The following CTBP2 variants were observed in gnomAD, a reference collection of about 807,000 sequenced individuals.
The protein encoded by CTBP2 is C-terminal-binding protein 2.
In CTBP2, 30 loss-of-function variants were observed where a neutral mutation model predicts 80.3. The ratio of observed to expected loss-of-function variants is 0.37; its 90% confidence interval spans 0.28 to 0.51. The LOEUF is 0.51. CTBP2 is among the 20% of genes least tolerant of loss of function. The pLI is 0.93. For synonymous variants in CTBP2, 594 were observed against 587.4 expected, an observed-to-expected ratio of 1.01 and a Z score of -0.16; for missense variants, 1,212 against 1,375.3, an observed-to-expected ratio of 0.88 and a Z score of 1.88.
intron 1 of CTBP2, among the ~76,000 whole-genome samples, chr10:125,151,637 A>G (rs1284356251): frequency 6.6e-6 from 1 of 152,066 alleles, no homozygotes; most frequent in Non-Finnish European, 1.5e-5. Context: ...AGGAGTCCCC[A>G]TGAGTGCCCG....
chr10:124,994,402 C>A, intron 5 of CTBP2, 67 bp downstream of exon 7: 1 of 1,515,112 alleles, frequency 6.6e-7, no homozygotes, highest in Non-Finnish European at 9.1e-7. Flanking sequence ...CCGTGTCCCT[C>A]TTGTGCCCAC....
chr10:124,984,951 C>G lies in CTBP2; in HGVS notation c.*4567G>C. 2 of 1,613,682 alleles carry G rather than the reference C, an allele frequency of 1.2e-6. No homozygotes were observed. The highest frequency in any genetic ancestry group is 1.7e-6 in the Non-Finnish European group (2 of 1,179,938). ...CCGACAGATCCGGCCGTGTACATCC[C>G]TGTCTGATGGAGAGGAAGATGAGGA... On this transcript the variant is annotated 3_prime_UTR_variant, in exon 9 of 9. Transcript: ENST00000309035.
chr10:125,065,352 A>G (rs1194668382), intron 2 of CTBP2, among the ~76,000 whole-genome samples: 1 of 152,132 alleles, frequency 6.6e-6, no homozygotes, highest in Admixed American at 6.5e-5. Context: ...GCTTTTCTCA[A>G]TGTGCACTTT....
intron 1 of CTBP2, among the ~76,000 whole-genome samples, chr10:125,133,036 G>C (rs1219453550): frequency 6.6e-6 from 1 of 152,152 alleles, no homozygotes; most frequent in Non-Finnish European, 1.5e-5. Flanking sequence ...CCTGCCTGTG[G>C]CCCACATCCC....
chr10:125,119,255 C>T (rs2136012460), intron 1 of CTBP2, among the ~76,000 whole-genome samples: 1 of 152,356 alleles, frequency 6.6e-6, no homozygotes, highest in South Asian at 2.1e-4. Flanking sequence ...AATGCAAGAT[C>T]CCCTGACCAA....
upstream of CTBP2, among the ~76,000 whole-genome samples, chr10:125,030,508 T>C (rs1453015518): frequency 2.0e-5 from 3 of 152,176 alleles, no homozygotes; most frequent in Non-Finnish European, 4.4e-5. Flanking sequence ...GGATGATCAG[T>C]GGGTACCCTC....
At chr10:125,032,599 A>G (rs868387188), upstream of CTBP2, among the ~76,000 whole-genome samples, 2 of 152,238 alleles carry the variant, frequency 1.3e-5, no homozygotes, top group Non-Finnish European at 2.9e-5. Context: ...GAGACAGGCC[A>G]AGGCATGGCC....
chr10:125,091,830 G>A (rs554583139), intron 2 of CTBP2, among the ~76,000 whole-genome samples: 30 of 152,124 alleles, frequency 2.0e-4, no homozygotes, highest in African/African-American at 7.0e-4. Flanking sequence ...GGAGGAGTGG[G>A]TATGGAAAAA....
chr10:125,026,596 A>AGGCTGGGGCTGCAGGGCCGCG lies in CTBP2; in HGVS notation c.1163_1164insCGCGGCCCTGCAGCCCCAGCC (p.Ala390_Pro391insLeuGlnProGlnProAlaAla). ...GGGATGCTGTCTGCAGAGGAGCCGC[A>AGGCTGGGGCTGCAGGGCCGCG]GCGCCCAGAGAAGCCAAGTCACCAT... is the stretch of plus-strand genomic sequence containing the variant. On this transcript the variant is annotated inframe_insertion, in exon 1 of 9. Coordinates refer to ENST00000309035, the MANE Select transcript of CTBP2 (RefSeq NM_022802.3). 5 of 1,564,162 alleles carry AGGCTGGGGCTGCAGGGCCGCG rather than the reference A, an allele frequency of 3.2e-6. No homozygotes were observed. The highest frequency in any genetic ancestry group is 3.5e-6 in the Non-Finnish European group (4 of 1,154,784).
intron 8 of CTBP2, among the ~76,000 whole-genome samples, chr10:124,992,408 T>G (rs998486885): frequency 1.4e-4 from 22 of 151,998 alleles, no homozygotes; most frequent in African/African-American, 5.3e-4. Context: ...CTGGGAAGCC[T>G]TCTGGTTTTA....
chr10:125,014,304 T>G (rs559670079), intron 1 of CTBP2, among the ~76,000 whole-genome samples: 4 of 152,098 alleles, frequency 2.6e-5, no homozygotes, highest in Non-Finnish European at 5.9e-5. Flanking sequence ...TCTACAAAAT[T>G]TACTGGGCGT....
In CTBP2 at chr10:125,086,687, C is replaced by T. The variant is rs769179549; in HGVS notation, c.-102+24303G>A. Among the ~76,000 whole-genome samples the T allele has an allele frequency of 8.0e-4, 120 of 150,528 alleles. 1 individual carries two copies. The highest frequency in any genetic ancestry group is 1.2e-3 in the Non-Finnish European group (82 of 67,822). ...ATAGCGAGAGAGTACCGTCTCTGAA[C>T]CAGAACTTGGGCCCTCATCAGACAT... On this transcript the variant is annotated intron_variant, in intron 2 of 10. Coordinates refer to the CTBP2 transcript ENST00000337195.
chr10:125,136,290 G>A (rs895191651), intron 1 of CTBP2, among the ~76,000 whole-genome samples: 6 of 152,186 alleles, frequency 3.9e-5, no homozygotes, highest in African/African-American at 1.2e-4. Context: ...TGAAAGGCCA[G>A]CCCTGACCTC....
intron 1 of CTBP2, among the ~76,000 whole-genome samples, chr10:125,008,182 G>A (rs543066379): frequency 6.6e-6 from 1 of 152,302 alleles, no homozygotes; most frequent in Admixed American, 6.5e-5. Flanking sequence ...CTGACCTCAG[G>A]TGATCCACCT....
At chr10:125,062,585 C>A in intron 2 of CTBP2, among the ~76,000 whole-genome samples, 1 of 152,098 alleles carries the variant, frequency 6.6e-6, no homozygotes, top group East Asian at 1.9e-4. Context: ...ACGGAGGGAC[C>A]GGGTGCGGTA....
At chr10:125,115,924 C>T (rs906337251) in intron 1 of CTBP2, among the ~76,000 whole-genome samples, 1 of 152,154 alleles carries the variant, frequency 6.6e-6, no homozygotes, top group Admixed American at 6.5e-5. Flanking sequence ...GTCTTCGCCC[C>T]CTATACTCCA....
chr10:125,002,170 GC>G (rs1004814216), intron 3 of CTBP2, among the ~76,000 whole-genome samples: 10 of 152,164 alleles, frequency 6.6e-5, no homozygotes, highest in African/African-American at 2.2e-4. Context: ...GCAGAGTACA[GC>G]CCCCACCCCC....
chr10:125,161,081 A>AGGGGGG, upstream of CTBP2: 1 of 133,530 alleles, frequency 7.5e-6, no homozygotes, highest in Non-Finnish European at 1.7e-5. Flanking sequence ...GGGGGGGGGC[A>AGGGGGG]AAGGCGGGGT....
intron 1 of CTBP2, 195 bp downstream of exon 1, chr10:125,160,124 C>G (rs1204507934): frequency 6.7e-6 from 1 of 149,760 alleles, no homozygotes; most frequent in Non-Finnish European, 1.5e-5. Flanking sequence ...CCCCGGGCGC[C>G]GAGGGGGGAC....
Sources: gnomAD v4.1 joint callset for allele counts (sites outside exome capture counted in the v4.1 genomes callset) on GRCh38, gnomAD v4.1.1 for gene constraint, MANE v1.5 for transcripts, NCBI Gene and HGNC (gene_info 2026-07-23, HGNC 2026-07-21) for gene names.